Variants in MYH1 observed in about 807,000 individuals in gnomAD.
MYH1 encodes myosin heavy chain 1, also known as myosin-1.
A neutral mutation model predicts 225.6 loss-of-function variants in MYH1; 214 were observed. The ratio of observed to expected loss-of-function variants is 0.95; its 90% CI spans 0.85 to 1.06. The LOEUF is 1.06. Among genes scored for constraint, MYH1 ranks in the 50% least tolerant of loss-of-function variants. The probability of loss-of-function intolerance (pLI) is 0.00; values close to 1 mark genes in which losing one functional copy is unlikely to be tolerated. For missense variants in MYH1, 2,098 were observed against 2,344.2 expected (o/e 0.89, Z 2.17); for synonymous variants, 774 against 842.3 (o/e 0.92, Z 1.40).
rs1471783857 is a variant in MYH1, at chr17:10,492,577, G to A, written c.5668-9C>T. 6.2e-7 allele frequency: 1 copy of A among 1,602,876 alleles called. No homozygotes were observed. Among genetic ancestry groups the A allele is most frequent in the Non-Finnish European group, 8.5e-7 (1 of 1,175,526 alleles). On this transcript the variant is annotated splice_polypyrimidine_tract_variant and intron_variant, in intron 39 of 39. Transcript: ENST00000226207. ...ACGTTGGATTGTTCCTCCTGTGAATGGAAATCCATTTATGAGGGAAGAAAG... is the reference window on the plus strand; with the variant it reads ...ACGTTGGATTGTTCCTCCTGTGAATAGAAATCCATTTATGAGGGAAGAAAG...
intron 6 of MYH1, 115 bp from the exon 7 acceptor site, chr17:10,514,239 C>A: frequency 8.2e-7 from 1 of 1,220,642 alleles, no homozygotes; most frequent in South Asian, 1.4e-5. Flanking sequence ...TTCTTTTCAG[C>A]CTACATATAG....
At chr17:10,498,595 T>C (rs371896863) in intron 30 of MYH1, 31 bp downstream of exon 30, 7 of 1,613,626 alleles carry the variant, frequency 4.3e-6, no homozygotes, top group Non-Finnish European at 5.1e-6. Flanking sequence ...AGGAAACTTA[T>C]AGTTCCATTT....
rs754953188 is a variant in MYH1, at chr17:10,505,917, T to G, written c.2069A>C (p.His690Pro). Residue 690 changes from histidine (H) to proline (P), a missense_variant, in exon 19 of 40, where the codon CAT (histidine) becomes CCT (proline). By Grantham distance (77) the His-to-Pro change is moderately conservative. Coordinates refer to ENST00000226207, the MANE Select transcript of MYH1 (RefSeq NM_005963.4). ...NETKTPGAME[H>P]ELVLHQLRCN... ...CCTCAGCTGATGCAGGACAAGCTCA[T>G]GCTCCATGGCACCTAAAAGAATGAA... 1.2e-6 allele frequency: 2 copies of G among 1,614,074 alleles called. No individual in the cohort carries two copies. Among genetic ancestry groups the G allele is most frequent in the South Asian group, 2.2e-5 (2 of 91,084 alleles).
chr17:10,497,437 T>C lies in MYH1; in HGVS notation c.4381A>G (p.Lys1461Glu). The change falls in exon 32 of 40, where the codon AAA becomes GAA. Residue 1461 changes from lysine to glutamate, a missense_variant. Coordinates refer to ENST00000226207, the MANE Select transcript of MYH1 (RefSeq NM_005963.4). ...RNFDKILAEW[K>E]QKCEETHAEL... The stretch of plus-strand genomic sequence containing the variant: ...GCATGAGTTTCTTCACACTTCTGTT[T>C]CCATTCTGCCAGGATCTGAAGGTCA... The C allele has an allele frequency of 2.5e-6, 4 of 1,605,150 alleles. No individual in the cohort carries two copies. Among genetic ancestry groups the C allele is most frequent in the Non-Finnish European group, 3.4e-6 (4 of 1,178,122 alleles).
intron 22 of MYH1, among the ~76,000 whole-genome samples, chr17:10,503,876 G>A (rs1336096378): frequency 1.3e-5 from 2 of 152,190 alleles, no homozygotes; most frequent in Admixed American, 6.5e-5. Flanking sequence ...CCTCAAAGGA[G>A]AGGAGTATTC....
At chr17:10,498,865 G>A in intron 29 of MYH1, 43 bp from the exon 30 acceptor site, 1 of 1,610,364 alleles carries the variant, frequency 6.2e-7, no homozygotes, top group East Asian at 2.2e-5. Flanking sequence ...TATATTTAAA[G>A]TGATGTTTGA....
chr17:10,505,640 T>C, intron 19 of MYH1, 129 bp from the exon 20 acceptor site: 1 of 1,364,612 alleles, frequency 7.3e-7, no homozygotes, highest in East Asian at 2.5e-5. Context: ...CCCCTTTATC[T>C]ATCCTCTGTT....
intron 28 of MYH1, among the ~76,000 whole-genome samples, chr17:10,500,346 A>C (rs1567716795): frequency 6.6e-6 from 1 of 150,658 alleles, no homozygotes; most frequent in East Asian, 1.9e-4. Flanking sequence ...GATTCTATTT[A>C]TCTCTCTCTC....
Position 10,501,585 on chromosome 17 carries a change from T to TTAAC in MYH1, c.3348+5_3348+8dup. Reference sequence around the variant, plus strand: ...GTTAAATTAGCCTGGCGAAAATCATTTAACGTACTTGTAACTCCTTGATTT... The same window carrying TTAAC: ...GTTAAATTAGCCTGGCGAAAATCATTTAACTAACGTACTTGTAACTCCTTGATTT... On this transcript the variant is annotated intron_variant, in intron 26 of 39. Transcript: ENST00000226207. The TTAAC allele has an allele frequency of 6.2e-7, 1 of 1,614,240 alleles. No homozygotes were observed. The highest frequency in any genetic ancestry group is 8.5e-7 in the Non-Finnish European group (1 of 1,180,048).
At chr17:10,498,580 G>T in intron 30 of MYH1, 46 bp downstream of exon 30, 2 of 1,612,160 alleles carry the variant, frequency 1.2e-6, no homozygotes, top group Non-Finnish European at 1.7e-6. Context: ...TATGTTTTGG[G>T]AGCAAGGAAA....
At chr17:10,509,441 A>G (rs377258599) in intron 15 of MYH1, 44 bp downstream of exon 15, 303 of 1,611,888 alleles carry the variant, frequency 1.9e-4, no homozygotes, top group Non-Finnish European at 2.5e-4. Flanking sequence ...TCTTTTAAAT[A>G]CTGTACAGCA....
intron 17 of MYH1, among the ~76,000 whole-genome samples, chr17:10,507,664 C>A (rs1338361486): frequency 2.0e-5 from 3 of 152,132 alleles, no homozygotes; most frequent in Non-Finnish European, 2.9e-5. Context: ...TTTCATCTCT[C>A]CTGACTCCTG....
At position 10,497,063 on chromosome 17, in the gene MYH1, G is replaced by C; in HGVS notation, c.4656+6C>G. On this transcript the variant is annotated splice_donor_region_variant and intron_variant, in intron 33 of 39. Coordinates refer to ENST00000226207, the MANE Select transcript of MYH1 (RefSeq NM_005963.4). ...ATTGTTTTAGAGTATGCAATAAAAT[G>C]CTTACCTCTGCCTCCTCTAAGGCAG... 2 of 1,612,014 alleles carry C rather than the reference G, an allele frequency of 1.2e-6. No homozygotes were observed. Among genetic ancestry groups the C allele is most frequent in the Non-Finnish European group, 1.7e-6 (2 of 1,179,596 alleles).
Position 10,504,834 on chromosome 17 carries a change from AT to A in MYH1, c.2666del (p.Asn889MetfsTer24), listed in dbSNP as rs776259351. ...CAGCTTGAACCTGGAGTTGCAAGTC[AT>A]TTTTTTCTTGCATCAGAGTAACCAT... Reference protein sequence around the residue: ...EKMVTLMQEKNDLQLQVQAEA... With the variant: ...EKMVTLMQEKXDLQLQVQAEA... On this transcript the variant is annotated frameshift_variant, in exon 22 of 40. Transcript: ENST00000226207. LOFTEE classifies it high-confidence loss of function. 23 of 1,613,904 alleles carry A rather than the reference AT, an allele frequency of 1.4e-5. No homozygotes were observed. The highest frequency in any genetic ancestry group is 1.3e-4 in the Admixed American group (8 of 59,972).
Position 10,518,534 on chromosome 17 carries a change from A to G in MYH1, c.-86T>C, listed in dbSNP as rs1482463488. 6.6e-6 allele frequency: 1 copy of G among 152,200 alleles called. No individual in the cohort carries two copies. Among genetic ancestry groups the G allele is most frequent in the Non-Finnish European group, 1.5e-5 (1 of 68,028 alleles). 9.4% of individuals were successfully genotyped at this position (152,200 alleles called of 1,614,324 possible). ...CACACACTTACCTTGAAGCTTTATGAGGAGAGACAAGTCATACTCATTCCA... is the reference window on the plus strand; with the variant it reads ...CACACACTTACCTTGAAGCTTTATGGGGAGAGACAAGTCATACTCATTCCA... On this transcript the variant is annotated 5_prime_UTR_variant, in exon 1 of 40. Transcript: ENST00000226207.
At chr17:10,515,837 G>T in intron 5 of MYH1, 89 bp downstream of exon 5, 7 of 1,602,560 alleles carry the variant, frequency 4.4e-6, no homozygotes, top group South Asian at 2.2e-5. Flanking sequence ...CGTGAATTGG[G>T]TTTTTTTCTA....
At position 10,494,370 on chromosome 17, in the gene MYH1, C is replaced by T. The variant is rs142153967; in HGVS notation, c.5651G>A (p.Arg1884Lys). ...KLQAKVKSYK[R>K]QAEEAEEQSN... Reference sequence around the variant, plus strand: ...TGAACTCACCGCTTCTTCAGCTTGTCTCTTGTAGGATTTCACCTTTGCTTG... The same window carrying T: ...TGAACTCACCGCTTCTTCAGCTTGTTTCTTGTAGGATTTCACCTTTGCTTG... The change falls in exon 39 of 40, where the codon AGA becomes AAA. Residue 1884 changes from arginine (R) to lysine (K), a missense_variant. Physicochemically the swap from Arg to Lys is conservative, Grantham distance 26. Transcript: ENST00000226207. 708 of 1,614,050 alleles carry T rather than the reference C, an allele frequency of 4.4e-4. 1 individual carries two copies. The highest frequency in any genetic ancestry group is 5.6e-4 in the Non-Finnish European group (657 of 1,180,040).
In MYH1 at chr17:10,501,201, C is replaced by T. The variant is rs371858208; in HGVS notation, c.3647G>A (p.Arg1216Gln). The T allele has an allele frequency of 3.7e-6, 6 of 1,614,032 alleles. No individual in the cohort carries two copies. In the African/African-American group the frequency reaches 5.3e-5, roughly 14 times the overall value. Residue 1216 changes from arginine to glutamine, a missense_variant, in exon 27 of 40, where the codon CGA becomes CAA. Arg to Gln is a conservative substitution (Grantham distance 43). Transcript: ENST00000226207. ...ELGEQIDNLQ[R>Q]VKQKLEKEKS... ...CTCCTTCTCCAGCTTCTGCTTCACTCGCTGCAGGTTGTCAATCTGCTCCCC... is the reference window on the plus strand; with the variant it reads ...CTCCTTCTCCAGCTTCTGCTTCACTTGCTGCAGGTTGTCAATCTGCTCCCC...
intron 36 of MYH1, 21 bp downstream of exon 36, chr17:10,495,171 A>G (rs759845045): frequency 6.2e-7 from 1 of 1,614,052 alleles, no homozygotes; most frequent in East Asian, 2.2e-5. Context: ...TTTGACCACC[A>G]CTGTGTTACC....
Sources: gnomAD v4.1 joint callset for allele counts (sites outside exome capture counted in the v4.1 genomes callset) on GRCh38, gnomAD v4.1.1 for gene constraint, MANE v1.5 for transcripts, NCBI Gene and HGNC (gene_info 2026-07-23, HGNC 2026-07-21) for gene names.